The following KCNIP4 variants were observed in gnomAD, a reference collection of about 807,000 sequenced individuals.
KCNIP4 encodes potassium voltage-gated channel interacting protein 4.
A neutral mutation model predicts 34.0 loss-of-function variants in KCNIP4; 12 were observed. The ratio of observed to expected loss-of-function variants is 0.35; its 90% CI spans 0.23 to 0.57. KCNIP4 has a LOEUF of 0.57. KCNIP4 is among the 20% of genes least tolerant of loss of function. KCNIP4 has a pLI of 0.83. For synonymous variants in KCNIP4, 124 were observed against 102.2 expected (o/e 1.21, Z -1.29); for missense variants, 238 against 311.7 (o/e 0.76, Z 1.78).
rs147609960 is a variant in KCNIP4, at chr4:21,814,455, C to T, written c.61+134116G>A. Among the ~76,000 whole-genome samples, 586 of 152,194 alleles carry T rather than the reference C, an allele frequency of 3.9e-3. 20 individuals are homozygous for T. The East Asian group carries it at 0.078, about 20-fold the overall frequency. On this transcript the variant is annotated intron_variant, in intron 1 of 8. Coordinates refer to ENST00000382152, the MANE Select transcript of KCNIP4 (RefSeq NM_025221.6). The stretch of plus-strand genomic sequence containing the variant: ...CATGGTTTTATAAAGGGGAGTTTCC[C>T]TGCACAAGCTCTCTCCTGCCTGTCG...
chr4:21,725,027 A>G (rs1166241674), intron 1 of KCNIP4, among the ~76,000 whole-genome samples: 1 of 152,110 alleles, frequency 6.6e-6, no homozygotes, highest in Non-Finnish European at 1.5e-5. Context: ...TGAGATGTCA[A>G]AATATTCCAT....
intron 1 of KCNIP4, among the ~76,000 whole-genome samples, chr4:21,180,040 T>A (rs1166776267): frequency 6.6e-6 from 1 of 152,160 alleles, no homozygotes; most frequent in Non-Finnish European, 1.5e-5. Flanking sequence ...TTTTTTTCCA[T>A]CAAGAGCTTT....
chr4:21,779,712 G>C (rs568401090), intron 1 of KCNIP4, among the ~76,000 whole-genome samples: 3 of 152,192 alleles, frequency 2.0e-5, no homozygotes, highest in African/African-American at 7.2e-5. Flanking sequence ...AGACCAGCCT[G>C]GGTGACACAG....
chr4:21,879,900 T>C (rs1010350435), intron 1 of KCNIP4, among the ~76,000 whole-genome samples: 1 of 151,982 alleles, frequency 6.6e-6, no homozygotes, highest in African/African-American at 2.4e-5. Context: ...GATCTGATGG[T>C]TTTATAAGGG....
intron 1 of KCNIP4, among the ~76,000 whole-genome samples, chr4:21,217,124 T>G (rs1231871951): frequency 6.6e-6 from 1 of 152,136 alleles, no homozygotes; most frequent in African/African-American, 2.4e-5. Context: ...ATGAGGAAAC[T>G]GAGGTAAAGG....
chr4:21,050,089 C>G (rs1402048429), intron 1 of KCNIP4, among the ~76,000 whole-genome samples: 3 of 152,128 alleles, frequency 2.0e-5, no homozygotes, highest in Non-Finnish European at 4.4e-5. Flanking sequence ...TCCCAGTTAC[C>G]CAGTTGAGAT....
chr4:21,236,379 A>C (rs1759360576), intron 1 of KCNIP4, among the ~76,000 whole-genome samples: 1 of 152,134 alleles, frequency 6.6e-6, no homozygotes, highest in Non-Finnish European at 1.5e-5. Context: ...TGATACAACC[A>C]CTTTACTTTT....
chr4:21,420,128 G>A (rs931057144), intron 1 of KCNIP4, among the ~76,000 whole-genome samples: 1 of 151,762 alleles, frequency 6.6e-6, no homozygotes, highest in Admixed American at 6.6e-5. Context: ...TGTCAATGTT[G>A]GTGAAATGTC....
intron 1 of KCNIP4, among the ~76,000 whole-genome samples, chr4:21,342,359 A>T (rs1164895351): frequency 6.6e-6 from 1 of 152,188 alleles, no homozygotes; most frequent in African/African-American, 2.4e-5. Context: ...TATATACAGC[A>T]TAGGAAAAAA....
At chr4:21,366,412 G>A (rs545010916) in intron 1 of KCNIP4, among the ~76,000 whole-genome samples, 1 of 152,292 alleles carries the variant, frequency 6.6e-6, no homozygotes, top group South Asian at 2.1e-4. Context: ...GTCTTCAGAA[G>A]AAAAACAAAG....
intron 1 of KCNIP4, among the ~76,000 whole-genome samples, chr4:21,038,895 C>T (rs1042699569): frequency 2.0e-5 from 3 of 152,180 alleles, no homozygotes; most frequent in Admixed American, 6.5e-5. Flanking sequence ...CCAGCTCCTT[C>T]ACAGTGTTCT....
intron 1 of KCNIP4, among the ~76,000 whole-genome samples, chr4:21,835,121 C>T (rs1011385483): frequency 6.6e-6 from 1 of 152,058 alleles, no homozygotes; most frequent in South Asian, 2.1e-4. Context: ...TTAAAACTTT[C>T]AGGAAAAAAG....
At chr4:21,505,263 G>A (rs142565226) in intron 1 of KCNIP4, among the ~76,000 whole-genome samples, 1,634 of 130,606 alleles carry the variant, frequency 0.013, 13 homozygotes, top group Non-Finnish European at 0.018. Flanking sequence ...TAAAATAGCA[G>A]TACTACAGGA....
intron 1 of KCNIP4, among the ~76,000 whole-genome samples, chr4:20,963,013 T>C (rs888858800): frequency 3.9e-4 from 60 of 152,200 alleles, no homozygotes; most frequent in African/African-American, 1.4e-3. Context: ...TTGCACAAAA[T>C]TGAAATGGGA....
At chr4:21,521,874 C>T (rs1735555392) in intron 1 of KCNIP4, among the ~76,000 whole-genome samples, 1 of 151,696 alleles carries the variant, frequency 6.6e-6, no homozygotes, top group Non-Finnish European at 1.5e-5. Context: ...ATGTGGAAAG[C>T]ATGTGTGAAT....
At chr4:21,275,311 C>T (rs1276806805) in intron 1 of KCNIP4, among the ~76,000 whole-genome samples, 1 of 152,154 alleles carries the variant, frequency 6.6e-6, no homozygotes, top group African/African-American at 2.4e-5. Flanking sequence ...TGGAAGGTCA[C>T]ACACCTGGGC....
chr4:20,884,811 T>C (rs1395687928), intron 1 of KCNIP4, among the ~76,000 whole-genome samples: 8 of 151,386 alleles, frequency 5.3e-5, no homozygotes, highest in Non-Finnish European at 1.0e-4. Flanking sequence ...AGCAATTCTC[T>C]TGCCTCAGCC....
intron 3 of KCNIP4, among the ~76,000 whole-genome samples, chr4:20,828,719 T>C (rs1718063849): frequency 1.3e-5 from 2 of 152,208 alleles, no homozygotes; most frequent in South Asian, 4.1e-4. Flanking sequence ...TCATTCTGTA[T>C]TTTCTTATGC....
intron 1 of KCNIP4, among the ~76,000 whole-genome samples, chr4:21,209,426 T>C (rs1050610328): frequency 1.3e-5 from 2 of 152,188 alleles, no homozygotes; most frequent in Admixed American, 6.5e-5. Flanking sequence ...CTTCCCAGTC[T>C]TTACAATCCT....
Sources: gnomAD v4.1 joint callset for allele counts (sites outside exome capture counted in the v4.1 genomes callset) on GRCh38, gnomAD v4.1.1 for gene constraint, MANE v1.5 for transcripts, NCBI Gene and HGNC (gene_info 2026-07-23, HGNC 2026-07-21) for gene names.